The following FHOD3 variants were observed in gnomAD, a reference collection of about 807,000 sequenced individuals.
FHOD3 encodes the protein formin homology 2 domain containing 3, also known as FH1/FH2 domain-containing protein 3.
Under a neutral mutation model 173.0 loss-of-function variants are expected in FHOD3, and 90 were observed. The ratio of observed to expected loss-of-function variants is 0.52; its 90% CI spans 0.44 to 0.62. The LOEUF (loss-of-function observed/expected upper bound fraction) is 0.62. Ranked by LOEUF, FHOD3 falls within the 20% of genes least tolerant of loss-of-function variation. The pLI is 0.00. For synonymous variants in FHOD3, 828 were observed against 823.0 expected, an observed-to-expected ratio of 1.01 and a Z score of -0.10; for missense variants, 1,945 against 2,034.7, an observed-to-expected ratio of 0.96 and a Z score of 0.85.
intron 9 of FHOD3, among the ~76,000 whole-genome samples, chr18:36,612,450 G>A (rs2032784642): frequency 6.6e-6 from 1 of 152,188 alleles, no homozygotes; most frequent in South Asian, 2.1e-4. Flanking sequence ...TCTTATACCT[G>A]AGTGGGGTGG....
chr18:36,778,899 C>G (rs2043889449), intron 28 of FHOD3: 6 of 153,362 alleles, frequency 3.9e-5, no homozygotes, highest in Admixed American at 1.9e-4. Context: ...GCTTCATGCA[C>G]TTGCTCTGTG....
intron 5 of FHOD3, among the ~76,000 whole-genome samples, chr18:36,541,362 T>C (rs78420681): frequency 0.012 from 1,888 of 151,876 alleles, 42 homozygotes; most frequent in African/African-American, 0.042. Flanking sequence ...GAGGATTTCT[T>C]GGGGCTAAGA....
At chr18:36,360,113 C>T (rs1049321367) in intron 2 of FHOD3, among the ~76,000 whole-genome samples, 2 of 152,204 alleles carry the variant, frequency 1.3e-5, no homozygotes. Flanking sequence ...GAAACCAATG[C>T]CAGCCTGGGT....
At chr18:36,544,074 A>C (rs12958613) in intron 5 of FHOD3, among the ~76,000 whole-genome samples, 1 of 152,030 alleles carries the variant, frequency 6.6e-6, no homozygotes, top group Admixed American at 6.5e-5. Context: ...AATATGTCAC[A>C]TGAGTGAGAG....
intron 15 of FHOD3, among the ~76,000 whole-genome samples, chr18:36,682,953 G>A (rs756591905): frequency 1.5e-4 from 23 of 152,202 alleles, no homozygotes; most frequent in Admixed American, 1.4e-3. Context: ...GCACAGTTGT[G>A]AAGTTGCTTA....
At chr18:36,499,380 A>G (rs1283370392) in intron 3 of FHOD3, among the ~76,000 whole-genome samples, 2 of 152,194 alleles carry the variant, frequency 1.3e-5, no homozygotes, top group African/African-American at 4.8e-5. Flanking sequence ...CTGGGATTAC[A>G]GGCCTGAGCC....
intron 1 of FHOD3, among the ~76,000 whole-genome samples, chr18:36,335,926 G>A (rs116547070): frequency 8.3e-4 from 127 of 152,296 alleles, no homozygotes; most frequent in African/African-American, 1.5e-3. Flanking sequence ...TGTGAAAACC[G>A]GGTTATACTC....
intron 17 of FHOD3, among the ~76,000 whole-genome samples, chr18:36,707,204 G>T (rs1238040653): frequency 2.0e-5 from 3 of 152,136 alleles, no homozygotes; most frequent in Admixed American, 2.0e-4. Flanking sequence ...TGGAAACTAT[G>T]CCCTCAGATC....
At chr18:36,429,979 G>T (rs73947107) in intron 3 of FHOD3, among the ~76,000 whole-genome samples, 23 of 152,310 alleles carry the variant, frequency 1.5e-4, no homozygotes, top group African/African-American at 5.5e-4. Flanking sequence ...ATGGGTGCCT[G>T]TTACCTCATG....
chr18:36,408,056 C>A (rs540804045), intron 3 of FHOD3, among the ~76,000 whole-genome samples: 36 of 152,276 alleles, frequency 2.4e-4, no homozygotes, highest in African/African-American at 8.2e-4. Context: ...TGGGCGGAGA[C>A]CCCTGTGCCC....
intron 6 of FHOD3, among the ~76,000 whole-genome samples, chr18:36,580,088 T>C (rs1035286529): frequency 6.6e-6 from 1 of 152,226 alleles, no homozygotes; most frequent in African/African-American, 2.4e-5. Context: ...AAAATCTTTA[T>C]TGCATTTCTA....
chr18:36,496,882 G>T (rs2054774001), intron 3 of FHOD3, among the ~76,000 whole-genome samples: 1 of 152,188 alleles, frequency 6.6e-6, no homozygotes, highest in Admixed American at 6.5e-5. Context: ...ATGCCACATG[G>T]TGGGATTTCT....
At chr18:36,606,034 G>T (rs2032032555) in intron 8 of FHOD3, among the ~76,000 whole-genome samples, 1 of 152,128 alleles carries the variant, frequency 6.6e-6, no homozygotes, top group South Asian at 2.1e-4. Context: ...AACAAGAGGG[G>T]TTACCGTGAG....
At chr18:36,552,122 T>C (rs373295815) in intron 5 of FHOD3, among the ~76,000 whole-genome samples, 2 of 152,226 alleles carry the variant, frequency 1.3e-5, no homozygotes, top group East Asian at 1.9e-4. Context: ...ATTCTTCCTA[T>C]CCATGAGCAT....
chr18:36,437,665 CTTTTT>C lies in FHOD3; in HGVS notation c.338-64254_338-64250del, dbSNP rs1555704498. Among the ~76,000 whole-genome samples, 495 of 69,468 alleles carry C rather than the reference CTTTTT, an allele frequency of 7.1e-3. 17 individuals are homozygous for C. The highest frequency in any genetic ancestry group is 6.3e-3 in the Admixed American group (43 of 6,848). 45.6% of individuals were successfully genotyped at this position (69,468 alleles called of 152,430 possible). A position where few individuals can be genotyped will look rare whatever the true frequency, so the allele number is the denominator to read the frequency against. ...CATTGAGCTTCTGGTTTCTTTCTTT[CTTTTT>C]TTTTTTTTTTTTAAGACAGAGTCTT... On this transcript the variant is annotated intron_variant, in intron 3 of 28. Transcript: ENST00000590592.
rs1287196827 is a variant in FHOD3, at chr18:36,693,407, C to T, written c.2220C>T (p.Thr740=). The change falls in exon 17 of 29, where the codon ACC becomes ACT. Residue 740 remains threonine (T), a synonymous_variant. Coordinates refer to ENST00000590592, the MANE Select transcript of FHOD3 (RefSeq NM_001281740.3). ...ALTVSASSPG[T]PHHPQASAGD... The stretch of plus-strand genomic sequence containing the variant: ...CGGTGTCTGCCTCCTCCCCAGGAAC[C>T]CCTCACCATCCCCAAGGTGAGTACA... The T allele has an allele frequency of 1.2e-6, 2 of 1,613,698 alleles. No homozygotes were observed. Among genetic ancestry groups the T allele is most frequent in the Admixed American group, 1.7e-5 (1 of 60,000 alleles).
intron 5 of FHOD3, among the ~76,000 whole-genome samples, chr18:36,531,702 C>T (rs2056788245): frequency 6.6e-6 from 1 of 152,198 alleles, no homozygotes. Context: ...AGCTTATAGA[C>T]TGAATAAGTC....
chr18:36,369,498 C>CCT (rs2047067643), intron 2 of FHOD3, among the ~76,000 whole-genome samples: 1 of 95,990 alleles, frequency 1.0e-5, no homozygotes, highest in Non-Finnish European at 2.0e-5. Flanking sequence ...CACACACACA[C>CCT]ATATATATAG....
chr18:36,334,034 G>C (rs1288778671), intron 1 of FHOD3, among the ~76,000 whole-genome samples: 1 of 152,136 alleles, frequency 6.6e-6, no homozygotes, highest in Non-Finnish European at 1.5e-5. Context: ...TCCTCCAGCA[G>C]GTCTGCTCAA....
Sources: gnomAD v4.1 joint callset for allele counts (sites outside exome capture counted in the v4.1 genomes callset) on GRCh38, gnomAD v4.1.1 for gene constraint, MANE v1.5 for transcripts, NCBI Gene and HGNC (gene_info 2026-07-23, HGNC 2026-07-21) for gene names.